CD99: variants seen among roughly 807,000 people sequenced by gnomAD.
CD99 encodes CD99 molecule (Xg blood group), also known as CD99 antigen.
Under a neutral mutation model 28.4 loss-of-function variants are expected in CD99, and 19 were observed. The ratio of observed to expected loss-of-function variants is 0.67; its 90% CI spans 0.47 to 0.98. CD99 has a LOEUF of 0.98. Ranked by LOEUF, CD99 falls within the 50% of genes least tolerant of loss-of-function variation. The pLI is 0.00. For synonymous variants in CD99, 103 were observed against 92.1 expected (o/e 1.12, Z -0.67); for missense variants, 283 against 248.8 (o/e 1.14, Z -0.92).
intron 1 of CD99, chrX:2,691,868 C>T: frequency 1.3e-6 from 1 of 778,908 alleles, no homozygotes; most frequent in Non-Finnish European, 2.4e-6. Flanking sequence ...GCGTCCCGGG[C>T]CTAAATTTGG....
At chrX:2,726,499 A>G in intron 8 of CD99, 126 bp downstream of exon 8, 2 of 722,706 alleles carry the variant, frequency 2.8e-6, no homozygotes, top group Non-Finnish European at 5.0e-6. Context: ...ATGGTTCGTG[A>G]AACTGCTAAA....
At chrX:2,706,913 C>T (rs2048147137) in intron 1 of CD99, among the ~76,000 whole-genome samples, 1 of 151,878 alleles carries the variant, frequency 6.6e-6, no homozygotes, top group Non-Finnish European at 1.5e-5. Flanking sequence ...CTCCACCTCC[C>T]GGGTTCAAGC....
chrX:2,696,469 C>T (rs1383672066), intron 1 of CD99, among the ~76,000 whole-genome samples: 2 of 152,112 alleles, frequency 1.3e-5, no homozygotes, highest in African/African-American at 4.8e-5. Flanking sequence ...GGTGCGATCT[C>T]GGCTCACTGC....
chrX:2,733,512 C>G, intron 8 of CD99: 1 of 868,660 alleles, frequency 1.2e-6, no homozygotes, highest in Non-Finnish European at 1.8e-6. Context: ...CGATGGGATT[C>G]TCAATCACAT....
chrX:2,691,606 C>T (rs1380921278), intron 1 of CD99, 179 bp downstream of exon 1: 3 of 735,550 alleles, frequency 4.1e-6, no homozygotes, highest in Admixed American at 2.0e-5. Flanking sequence ...ACTTTCTCCC[C>T]AACGCTTTTC....
At chrX:2,703,837 G>A (rs1373540278) in intron 1 of CD99, among the ~76,000 whole-genome samples, 2 of 152,032 alleles carry the variant, frequency 1.3e-5, no homozygotes, top group Non-Finnish European at 2.9e-5. Context: ...GTCAGTTTCC[G>A]GTGTTTCCAC....
At chrX:2,739,213 G>A (rs2050088607) in intron 9 of CD99, among the ~76,000 whole-genome samples, 1 of 152,078 alleles carries the variant, frequency 6.6e-6, no homozygotes, top group Non-Finnish European at 1.5e-5. Flanking sequence ...GGAAAATGTG[G>A]TTAAGAAGAG....
intron 7 of CD99, among the ~76,000 whole-genome samples, chrX:2,724,354 A>G (rs1191450568): frequency 1.3e-5 from 2 of 152,164 alleles, no homozygotes; most frequent in East Asian, 1.9e-4. Context: ...CCGACAGGCC[A>G]TGTTTGGAGC....
At chrX:2,724,918 C>T (rs763276261) in intron 7 of CD99, among the ~76,000 whole-genome samples, 8 of 148,902 alleles carry the variant, frequency 5.4e-5, no homozygotes, top group Admixed American at 2.7e-4. Context: ...AAAAACTAGC[C>T]AGGGGTGGTG....
chrX:2,739,233 C>T (rs1323532167), intron 9 of CD99, among the ~76,000 whole-genome samples: 2 of 152,022 alleles, frequency 1.3e-5, no homozygotes, highest in Non-Finnish European at 2.9e-5. Flanking sequence ...GACTTTAATT[C>T]GTGAGAAACT....
At chrX:2,722,875 T>G (rs2049066523) in intron 6 of CD99, among the ~76,000 whole-genome samples, 1 of 152,178 alleles carries the variant, frequency 6.6e-6, no homozygotes, top group African/African-American at 2.4e-5. Flanking sequence ...GGTTCGGTCC[T>G]CGGAGAAGAG....
intron 1 of CD99, among the ~76,000 whole-genome samples, chrX:2,712,991 CA>C (rs1360562840): frequency 1.3e-5 from 2 of 151,816 alleles, no homozygotes; most frequent in African/African-American, 4.8e-5. Flanking sequence ...CACAAACCCA[CA>C]AATGCACACA....
intron 1 of CD99, among the ~76,000 whole-genome samples, chrX:2,702,317 C>T (rs540760432): frequency 1.3e-5 from 2 of 152,200 alleles, no homozygotes; most frequent in East Asian, 3.9e-4. Flanking sequence ...TTCTGTGACC[C>T]CCTACCCCTA....
At chrX:2,729,107 A>C (rs1248997462) in intron 8 of CD99, among the ~76,000 whole-genome samples, 3 of 152,092 alleles carry the variant, frequency 2.0e-5, no homozygotes, top group Non-Finnish European at 4.4e-5. Context: ...AAGTGTTGGG[A>C]TTATAGGCGT....
intron 1 of CD99, among the ~76,000 whole-genome samples, chrX:2,708,449 G>A (rs1488510230): frequency 2.6e-5 from 4 of 152,152 alleles, no homozygotes; most frequent in East Asian, 1.9e-4. Flanking sequence ...GGAGGCAGGG[G>A]ACAGACTGAC....
chrX:2,718,153 C>T, intron 3 of CD99: 1 of 161,754 alleles, frequency 6.2e-6, no homozygotes, highest in East Asian at 1.7e-4. Context: ...GTCGGCCAGG[C>T]TGGTCTTGAA....
intron 1 of CD99, among the ~76,000 whole-genome samples, chrX:2,707,813 G>A (rs2048195187): frequency 6.6e-6 from 1 of 152,176 alleles, no homozygotes; most frequent in Non-Finnish European, 1.5e-5. Context: ...TTGCTGGGTG[G>A]GTTTTGTTGG....
Position 2,709,204 on chromosome X carries a change from CATGCATGCACACTCATGCCATGCATAT to C in CD99, c.68-5208_68-5182del, listed in dbSNP as rs1220297453. The stretch of plus-strand genomic sequence containing the variant: ...GCATGCACACATACACAGGCACATA[CATGCATGCACACTCATGCCATGCATAT>C]ATGCATGCATGCACACGTGTGCACC... On this transcript the variant is annotated intron_variant, in intron 1 of 9. Transcript: ENST00000381192. 6.2e-5 allele frequency among the ~76,000 whole-genome samples: 9 copies of C among 145,966 alleles called. No individual in the cohort carries two copies. In the Admixed American group the frequency reaches 6.2e-4, roughly 10 times the overall value.
chrX:2,737,715 C>G (rs1231217324), intron 8 of CD99, among the ~76,000 whole-genome samples: 1 of 151,946 alleles, frequency 6.6e-6, no homozygotes, highest in African/African-American at 2.4e-5. Flanking sequence ...AGGCTGGTCT[C>G]GAACTCCTGA....
Sources: allele counts gnomAD v4.1 joint callset (sites outside exome capture counted in the v4.1 genomes callset), GRCh38; gene constraint gnomAD v4.1.1; transcripts MANE v1.5; gene names NCBI Gene and HGNC (gene_info 2026-07-23, HGNC 2026-07-21).